The following RGS7 variants were observed in gnomAD, a reference collection of about 807,000 sequenced individuals.
The protein encoded by RGS7 is regulator of G protein signaling 7.
Under a neutral mutation model 81.1 loss-of-function variants are expected in RGS7, and 27 were observed. The observed-to-expected ratio is 0.33, with a 90% CI of 0.25 to 0.46. The LOEUF (loss-of-function observed/expected upper bound fraction) is 0.46. RGS7 is among the 20% of genes least tolerant of loss of function. RGS7 has a pLI of 1.00. For missense variants in RGS7, 396 were observed against 607.4 expected (o/e 0.65, Z 3.66); for synonymous variants, 208 against 207.7 (o/e 1.00, Z -0.01).
chr1:240,810,053 A>C (rs1689573223), intron 14 of RGS7, among the ~76,000 whole-genome samples: 2 of 152,098 alleles, frequency 1.3e-5, no homozygotes, highest in Admixed American at 6.6e-5. Context: ...TCTTTTTCCA[A>C]AGGCATCTTC....
rs1239456716 is a variant in RGS7 at position 240,783,355 on chromosome 1, C to T, written c.*7-7142G>A. 2.0e-5 allele frequency among the ~76,000 whole-genome samples: 3 copies of T among 152,006 alleles called. No individual in the cohort carries two copies. In the East Asian group the frequency reaches 5.8e-4, roughly 29 times the overall value. ...ATCATTCTTGGCCTGGGCACAGTGGCTCATGCTTGTAAACATAGTACCTTG... is the reference window on the plus strand; with the variant it reads ...ATCATTCTTGGCCTGGGCACAGTGGTTCATGCTTGTAAACATAGTACCTTG... On this transcript the variant is annotated intron_variant, in intron 18 of 18. Transcript: ENST00000440928.
intron 3 of RGS7, among the ~76,000 whole-genome samples, chr1:241,065,514 T>C (rs2062009922): frequency 6.6e-6 from 1 of 152,130 alleles, no homozygotes; most frequent in African/African-American, 2.4e-5. Context: ...CAGGTTGAAG[T>C]TCAATACTTA....
At chr1:241,064,156 C>CT (rs1306648945) in intron 3 of RGS7, among the ~76,000 whole-genome samples, 1 of 141,796 alleles carries the variant, frequency 7.1e-6, no homozygotes, top group East Asian at 2.1e-4. Flanking sequence ...GCACTCCAGC[C>CT]TGGGCAACAA....
rs201307171 is a variant in RGS7, at chr1:241,271,983, C to CTTTT, written c.78+83712_78+83715dup. ...TGGAGAACCCTGACTACTAGAATTT[C>CTTTT]TTTTTTTTTTTTTTTATTTTTATTT... On this transcript the variant is annotated intron_variant, in intron 2 of 18. Transcript: ENST00000440928. This position sits in a 1 kb window ranked among gnomAD's most constrained non-coding sequence, Gnocchi z 4.6. Among the ~76,000 whole-genome samples the CTTTT allele has an allele frequency of 1.6e-5, 2 of 124,130 alleles. No homozygotes were observed. The highest frequency in any genetic ancestry group is 1.7e-5 in the Non-Finnish European group (1 of 59,532). The allele number at this position is 124,130 out of a possible 152,430, so 81.4% of individuals were successfully genotyped here. A position where few individuals can be genotyped will look rare whatever the true frequency, so the allele number is the denominator to read the frequency against.
At chr1:241,204,484 T>A (rs2073744939) in intron 2 of RGS7, among the ~76,000 whole-genome samples, 1 of 152,166 alleles carries the variant, frequency 6.6e-6, no homozygotes, top group African/African-American at 2.4e-5. Context: ...GGAAATTCAT[T>A]TAGCAAAAAT....
chr1:240,853,457 A>G (rs1486219576), intron 9 of RGS7, among the ~76,000 whole-genome samples: 2 of 152,206 alleles, frequency 1.3e-5, no homozygotes, highest in Non-Finnish European at 2.9e-5. Flanking sequence ...AACATTTGAG[A>G]TAATGAAGCC....
chr1:241,147,516 A>G (rs2068395917), intron 2 of RGS7, among the ~76,000 whole-genome samples: 1 of 151,884 alleles, frequency 6.6e-6, no homozygotes, highest in Non-Finnish European at 1.5e-5. Flanking sequence ...TTGGTCTTTT[A>G]CCATCTGTAA....
chr1:241,247,349 G>T (rs991462927), intron 2 of RGS7, among the ~76,000 whole-genome samples: 7 of 152,126 alleles, frequency 4.6e-5, no homozygotes, highest in African/African-American at 1.7e-4. Flanking sequence ...TTTTAAATGA[G>T]CCTGGAGTTG....
chr1:240,893,803 AAG>A (rs1221476423), intron 6 of RGS7, among the ~76,000 whole-genome samples: 6 of 152,170 alleles, frequency 3.9e-5, no homozygotes, highest in African/African-American at 1.4e-4. Flanking sequence ...TATGAGATTG[AAG>A]AGTTTTTCAT....
At chr1:241,004,881 G>T (rs749644507) in intron 3 of RGS7, among the ~76,000 whole-genome samples, 1 of 152,128 alleles carries the variant, frequency 6.6e-6, no homozygotes. Context: ...TCCATGACCC[G>T]CCTCGGGCCA....
chr1:241,315,805 T>C lies in RGS7; in HGVS notation c.78+39894A>G, dbSNP rs796270276. Among the ~76,000 whole-genome samples the C allele has an allele frequency of 2.6e-5, 4 of 152,210 alleles. No individual in the cohort carries two copies. In the South Asian group the frequency reaches 8.3e-4, roughly 31 times the overall value. On this transcript the variant is annotated intron_variant, in intron 2 of 18. Coordinates refer to ENST00000440928, the MANE Select transcript of RGS7 (RefSeq NM_001364886.1). ...CTTAGAGAAAAAGCTTTCAGTTTTT[T>C]ACCATTGAGTGTGATGTCAGCTGTG...
intron 2 of RGS7, among the ~76,000 whole-genome samples, chr1:241,194,331 A>C (rs979467391): frequency 6.6e-6 from 1 of 152,222 alleles, no homozygotes; most frequent in Non-Finnish European, 1.5e-5. Flanking sequence ...TGGACATTCA[A>C]CTGAAATATA....
chr1:241,190,072 C>T (rs1229924484), intron 2 of RGS7, among the ~76,000 whole-genome samples: 1 of 151,886 alleles, frequency 6.6e-6, no homozygotes, highest in African/African-American at 2.4e-5. Flanking sequence ...CACTGCACTC[C>T]AGCCTGGGCG....
intron 2 of RGS7, among the ~76,000 whole-genome samples, chr1:241,109,047 G>A (rs2065326388): frequency 6.6e-6 from 1 of 152,032 alleles, no homozygotes; most frequent in Non-Finnish European, 1.5e-5. Context: ...GAATTAACCT[G>A]GGAACAAGTT....
intron 3 of RGS7, among the ~76,000 whole-genome samples, chr1:241,085,894 G>T (rs1348738975): frequency 6.6e-6 from 1 of 152,174 alleles, no homozygotes; most frequent in Non-Finnish European, 1.5e-5. Flanking sequence ...ATAGCACAAT[G>T]GGATTCCTGG....
chr1:241,009,262 T>C (rs2058838447), intron 3 of RGS7, among the ~76,000 whole-genome samples: 1 of 152,244 alleles, frequency 6.6e-6, no homozygotes. Context: ...ACCAGCCTTG[T>C]ATGGAAAATA....
At chr1:241,083,251 A>AC (rs2063246565) in intron 3 of RGS7, among the ~76,000 whole-genome samples, 4 of 138,038 alleles carry the variant, frequency 2.9e-5, no homozygotes, top group East Asian at 2.0e-4. Flanking sequence ...AGAAAAAGAA[A>AC]AAGAAACAAA....
At chr1:241,312,438 ACT>A (rs1464032884) in intron 2 of RGS7, among the ~76,000 whole-genome samples, 4 of 151,626 alleles carry the variant, frequency 2.6e-5, no homozygotes, top group Admixed American at 1.3e-4. Context: ...ACAGGTGCTC[ACT>A]CTGTGTCTCT....
chr1:241,168,350 T>C, intron 2 of RGS7, among the ~76,000 whole-genome samples: 1 of 152,228 alleles, frequency 6.6e-6, no homozygotes, highest in Non-Finnish European at 1.5e-5. Flanking sequence ...TATCTATATC[T>C]CATGGATAAT....
Sources: allele counts gnomAD v4.1 joint callset (sites outside exome capture counted in the v4.1 genomes callset), GRCh38; gene constraint gnomAD v4.1.1; non-coding constraint Gnocchi (gnomAD v3.1); transcripts MANE v1.5; gene names NCBI Gene and HGNC (gene_info 2026-07-23, HGNC 2026-07-21).